Variants in USP46 observed in about 807,000 individuals in gnomAD.
USP46 encodes ubiquitin specific peptidase 46.
Under a neutral mutation model 44.4 loss-of-function variants are expected in USP46, and 12 were observed. That is an observed-to-expected ratio of 0.27 (90% CI 0.17 to 0.44). USP46 has a LOEUF of 0.44. Ranked by LOEUF, USP46 falls within the 20% of genes least tolerant of loss-of-function variation. The pLI is 1.00. For missense variants in USP46, 248 were observed against 444.8 expected (o/e 0.56, Z 3.98); for synonymous variants, 155 against 161.5 (o/e 0.96, Z 0.31).
chr4:52,639,279 A>G (rs1718240470), intron 1 of USP46, among the ~76,000 whole-genome samples: 2 of 152,236 alleles, frequency 1.3e-5, no homozygotes, highest in Admixed American at 1.3e-4. Flanking sequence ...AAGGCTGTAA[A>G]AAGACCCAAA....
Position 52,610,073 on chromosome 4 carries a change from G to C in USP46, c.638+468C>G, listed in dbSNP as rs564864267. On this transcript the variant is annotated intron_variant, in intron 5 of 8. Coordinates refer to ENST00000441222, the MANE Select transcript of USP46 (RefSeq NM_022832.4). ...CCCGTGTAGCTGGGACTACAGGCGC[G>C]CGCCACCATGCCCGGCTAATTTTTG... is the stretch of plus-strand genomic sequence containing the variant. Among the ~76,000 whole-genome samples the C allele has an allele frequency of 9.2e-3, 1,375 of 148,866 alleles. 11 individuals are homozygous for C. The highest frequency in any genetic ancestry group is 0.032 in the African/African-American group (1,304 of 40,570).
rs1420347379 is a variant in USP46, at chr4:52,592,364, T to G, written c.*5276A>C. On this transcript the variant is annotated 3_prime_UTR_variant, in exon 9 of 9. Transcript: ENST00000441222. ...TTTAGTACTAACCCCACAACCAAAA[T>G]TTTCCTTCAGTAAAAGAAAAATGAC... The G allele has an allele frequency of 3.3e-5, 5 of 152,216 alleles. No individual in the cohort carries two copies. The highest frequency in any genetic ancestry group is 1.2e-4 in the African/African-American group (5 of 41,442). 9.4% of individuals were successfully genotyped at this position (152,216 alleles called of 1,614,324 possible).
At chr4:52,609,196 T>C (rs559891099) in intron 5 of USP46, among the ~76,000 whole-genome samples, 235 of 152,250 alleles carry the variant, frequency 1.5e-3, no homozygotes, top group Non-Finnish European at 2.8e-3. Context: ...TAAACACTAT[T>C]TATATCATTT....
In USP46 at chr4:52,597,652, C is replaced by T; in HGVS notation, c.1089G>A (p.Gln363=). 1 of 1,585,712 alleles carries T rather than the reference C, an allele frequency of 6.3e-7. No homozygotes were observed. The highest frequency in any genetic ancestry group is 8.6e-7 in the Non-Finnish European group (1 of 1,164,136). ...GCAGGTCTTTCAGTTACTCTCTTGACTGATAGAATAAAATATATCCAGATT... is the reference window on the plus strand; with the variant it reads ...GCAGGTCTTTCAGTTACTCTCTTGATTGATAGAATAAAATATATCCAGATT... ...NSESGYILFY[Q]SRE is the part of the protein sequence containing the mutation. The change falls in exon 9 of 9, where the codon CAG becomes CAA. Residue 363 remains glutamine (Q), a synonymous_variant. Coordinates refer to ENST00000441222, the MANE Select transcript of USP46 (RefSeq NM_022832.4).
intron 5 of USP46, among the ~76,000 whole-genome samples, chr4:52,609,903 T>C (rs1381790899): frequency 1.2e-4 from 5 of 42,080 alleles, no homozygotes; most frequent in Non-Finnish European, 2.2e-4. Context: ...TATTTCTTTT[T>C]TTTTTTTTTT....
intron 4 of USP46, among the ~76,000 whole-genome samples, chr4:52,612,426 C>T (rs1472491771): frequency 6.6e-6 from 1 of 152,220 alleles, no homozygotes; most frequent in Non-Finnish European, 1.5e-5. Flanking sequence ...CACAGATACT[C>T]TCATCAAGAG....
At chr4:52,614,042 A>T (rs1175900005) in intron 4 of USP46, among the ~76,000 whole-genome samples, 1 of 152,214 alleles carries the variant, frequency 6.6e-6, no homozygotes, top group African/African-American at 2.4e-5. Flanking sequence ...GAACTGAAAA[A>T]CACAATACAT....
At chr4:52,598,166 T>C (rs2109589388) in intron 8 of USP46, among the ~76,000 whole-genome samples, 1 of 152,378 alleles carries the variant, frequency 6.6e-6, no homozygotes. Flanking sequence ...AGTATTCTTT[T>C]ATAACAAAAT....
rs999181807 is a variant in USP46, at chr4:52,591,784, C to T, written c.*5856G>A. 5.3e-5 allele frequency: 8 copies of T among 152,116 alleles called. No homozygotes were observed. The highest frequency in any genetic ancestry group is 1.2e-4 in the Non-Finnish European group (8 of 68,028). 9.4% of individuals were successfully genotyped at this position (152,116 alleles called of 1,614,324 possible). A position where few individuals can be genotyped will look rare whatever the true frequency, so the allele number is the denominator to read the frequency against. On this transcript the variant is annotated 3_prime_UTR_variant, in exon 9 of 9. Coordinates refer to ENST00000441222, the MANE Select transcript of USP46 (RefSeq NM_022832.4). ...CACCAATAAATCGCTTATGCCCTAT[C>T]TTATTTTGGTAAGTCTAGATAGGCT...
At chr4:52,614,486 G>A (rs1717048651) in intron 4 of USP46, among the ~76,000 whole-genome samples, 1 of 152,160 alleles carries the variant, frequency 6.6e-6, no homozygotes, top group African/African-American at 2.4e-5. Flanking sequence ...AAACTATGGA[G>A]GCCAGAAGAC....
In USP46 at chr4:52,601,932, A is replaced by G. The variant is rs1386672614; in HGVS notation, c.845T>C (p.Leu282Pro). The change falls in exon 7 of 9, where the codon CTC becomes CCC. Residue 282 changes from leucine to proline, a missense_variant. By Grantham distance (98) the Leu-to-Pro change is moderately conservative. Around this residue, in one of 5 missense-constraint regions of USP46, gnomAD observed 98 missense variants for 218.2 expected, o/e 0.45. Transcript: ENST00000441222. ...CACTGCATCACTGGAGGTGTTGAAG[A>G]GCCGGAGTTCCAGAGGGAAGACCAC... is the stretch of plus-strand genomic sequence containing the variant. ...YRVVFPLELR[L>P]FNTSSDAVNL... The G allele has an allele frequency of 6.2e-7, 1 of 1,613,862 alleles. No individual in the cohort carries two copies. Among genetic ancestry groups the G allele is most frequent in the Non-Finnish European group, 8.5e-7 (1 of 1,179,896 alleles).
At chr4:52,649,630 A>T (rs190839193) in intron 1 of USP46, among the ~76,000 whole-genome samples, 1 of 152,212 alleles carries the variant, frequency 6.6e-6, no homozygotes, top group Non-Finnish European at 1.5e-5. Context: ...CCTCCAGCTA[A>T]TGCCTATGCA....
At chr4:52,647,775 G>A (rs937051424) in intron 1 of USP46, among the ~76,000 whole-genome samples, 7 of 152,066 alleles carry the variant, frequency 4.6e-5, no homozygotes, top group East Asian at 3.8e-4. Flanking sequence ...ACACATGCTC[G>A]TCTTCTTGCC....
Position 52,593,057 on chromosome 4 carries a change from C to A in USP46, c.*4583G>T, listed in dbSNP as rs960018158. ...CACGCTCAGGTATGTCTTTATAGCA[C>A]TGCCAGAATGGACAAATACAACGAC... On this transcript the variant is annotated 3_prime_UTR_variant, in exon 9 of 9. Coordinates refer to ENST00000441222, the MANE Select transcript of USP46 (RefSeq NM_022832.4). 28 of 397,418 alleles carry A rather than the reference C, an allele frequency of 7.0e-5. No homozygotes were observed. Among genetic ancestry groups the A allele is most frequent in the Non-Finnish European group, 1.1e-4 (25 of 225,792 alleles). The allele number at this position is 397,418 out of a possible 1,614,324, so 24.6% of individuals were successfully genotyped here.
chr4:52,640,519 A>C (rs1203766962), intron 1 of USP46, among the ~76,000 whole-genome samples: 2 of 152,104 alleles, frequency 1.3e-5, no homozygotes, highest in African/African-American at 4.8e-5. Context: ...TTTTTTATTA[A>C]AATTTTAGGC....
At chr4:52,605,868 T>C (rs1420595435) in intron 5 of USP46, among the ~76,000 whole-genome samples, 3 of 152,184 alleles carry the variant, frequency 2.0e-5, no homozygotes, top group Non-Finnish European at 2.9e-5. Flanking sequence ...TGATTGCAGG[T>C]GCTATTTTCT....
intron 4 of USP46, among the ~76,000 whole-genome samples, chr4:52,614,071 A>T (rs950519159): frequency 1.3e-5 from 2 of 152,220 alleles, no homozygotes; most frequent in Non-Finnish European, 2.9e-5. Context: ...TTTAACAGCA[A>T]AGTGGAGGTG....
intron 2 of USP46, 95 bp downstream of exon 2, chr4:52,630,969 A>G: frequency 1.0e-6 from 1 of 999,528 alleles, no homozygotes; most frequent in Non-Finnish European, 1.5e-6. Context: ...ATGACCAATC[A>G]TTTAAAAATT....
intron 1 of USP46, among the ~76,000 whole-genome samples, chr4:52,638,860 T>C (rs1300020551): frequency 1.3e-5 from 2 of 152,048 alleles, no homozygotes; most frequent in Middle Eastern, 3.2e-3. Flanking sequence ...CATATGTTCG[T>C]GCTCTCCCTA....
Sources: allele counts gnomAD v4.1 joint callset (sites outside exome capture counted in the v4.1 genomes callset), GRCh38; gene constraint gnomAD v4.1.1; regional missense constraint gnomAD v4.1.1; transcripts MANE v1.5; gene names NCBI Gene and HGNC (gene_info 2026-07-23, HGNC 2026-07-21).